Variants in FZD3 observed in about 807,000 individuals in gnomAD.
The protein encoded by FZD3 is frizzled-3.
FZD3 carries 30 observed loss-of-function variants against 60.7 expected under a neutral mutation model. That is an observed-to-expected ratio of 0.49 (90% CI 0.37 to 0.67). FZD3 has a LOEUF of 0.67. Among genes scored for constraint, FZD3 ranks in the 30% least tolerant of loss-of-function variants. The pLI is 0.00. For missense variants in FZD3, 605 were observed against 838.7 expected (o/e 0.72, Z 3.44); for synonymous variants, 246 against 275.2 (o/e 0.89, Z 1.05).
intron 7 of FZD3, among the ~76,000 whole-genome samples, chr8:28,557,460 C>T (rs1371610933): frequency 1.3e-5 from 2 of 151,966 alleles, no homozygotes; most frequent in Admixed American, 1.3e-4. Context: ...GTGTAGAATC[C>T]GATTCTCTGT....
chr8:28,545,826 A>T (rs547090253), intron 5 of FZD3, among the ~76,000 whole-genome samples: 2 of 152,374 alleles, frequency 1.3e-5, no homozygotes, highest in Admixed American at 1.3e-4. Flanking sequence ...TATTTAATAT[A>T]TGTATAAATA....
chr8:28,540,572 TAAAA>T (rs1309939591), intron 5 of FZD3, among the ~76,000 whole-genome samples: 1 of 152,222 alleles, frequency 6.6e-6, no homozygotes, highest in Non-Finnish European at 1.5e-5. Context: ...CAGGAACACT[TAAAA>T]AGAATACTTG....
intron 1 of FZD3, among the ~76,000 whole-genome samples, chr8:28,498,664 A>G (rs942779004): frequency 6.6e-6 from 1 of 152,100 alleles, no homozygotes; most frequent in African/African-American, 2.4e-5. Flanking sequence ...CGCAACCTCC[A>G]CCTCTCATGT....
At chr8:28,497,966 G>T (rs1803886434) in intron 1 of FZD3, among the ~76,000 whole-genome samples, 1 of 152,114 alleles carries the variant, frequency 6.6e-6, no homozygotes, top group African/African-American at 2.4e-5. Flanking sequence ...TTATTTTAAA[G>T]ACTTTTACTT....
chr8:28,522,997 T>G (rs1328263514), intron 4 of FZD3, among the ~76,000 whole-genome samples: 1 of 152,050 alleles, frequency 6.6e-6, no homozygotes, highest in Non-Finnish European at 1.5e-5. Flanking sequence ...CTCGAACTCC[T>G]GACTTTAAGT....
chr8:28,545,118 A>G (rs1273649397), intron 5 of FZD3, among the ~76,000 whole-genome samples: 1 of 152,152 alleles, frequency 6.6e-6, no homozygotes, highest in Non-Finnish European at 1.5e-5. Context: ...TTTAAGTTTC[A>G]TTGTGAGTTA....
In FZD3 at chr8:28,566,983, T is replaced by TA; in HGVS notation, c.*3979dup. The TA allele has an allele frequency of 6.6e-6, 1 of 152,134 alleles. No homozygotes were observed. Among genetic ancestry groups the TA allele is most frequent in the African/African-American group, 2.4e-5 (1 of 41,422 alleles). 9.4% of individuals were successfully genotyped at this position (152,134 alleles called of 1,614,324 possible). On this transcript the variant is annotated 3_prime_UTR_variant, in exon 8 of 8. Coordinates refer to ENST00000240093, the MANE Select transcript of FZD3 (RefSeq NM_017412.4). ...TCTGTAACCCATAAATTATTCTACT[T>TA]AAAAAAATTTTTTATAGAGACAGGG...
chr8:28,527,863 T>C lies in FZD3; in HGVS notation c.1103T>C (p.Val368Ala). The C allele has an allele frequency of 8.7e-6, 14 of 1,614,114 alleles. No homozygotes were observed. Among genetic ancestry groups the C allele is most frequent in the Non-Finnish European group, 1.2e-5 (14 of 1,179,994 alleles). Reference sequence around the variant, plus strand: ...GTGTGTTTTGTTGGCCTCTACGATGTTGATGCATTGAGATATTTTGTTCTT... The same window carrying C: ...GTGTGTTTTGTTGGCCTCTACGATGCTGATGCATTGAGATATTTTGTTCTT... ...SGVCFVGLYD[V>A]DALRYFVLAP... Residue 368 changes from valine (V) to alanine (A), a missense_variant, in exon 5 of 8, where the codon GTT becomes GCT. Physicochemically the swap from Val to Ala is moderately conservative, Grantham distance 64. Transcript: ENST00000240093. This position sits in a 1 kb window ranked among gnomAD's most constrained non-coding sequence, Gnocchi z 5.0.
At chr8:28,542,091 C>T (rs1359238492) in intron 5 of FZD3, among the ~76,000 whole-genome samples, 1 of 133,560 alleles carries the variant, frequency 7.5e-6, no homozygotes. Context: ...GAATGAAATC[C>T]TTTTTTTTTT....
chr8:28,507,208 A>G (rs1804164304), intron 3 of FZD3, among the ~76,000 whole-genome samples: 1 of 152,064 alleles, frequency 6.6e-6, no homozygotes, highest in East Asian at 1.9e-4. Flanking sequence ...TCCAATTGAT[A>G]TGTCTCTTAA....
intron 6 of FZD3, among the ~76,000 whole-genome samples, chr8:28,553,586 T>G (rs1805451116): frequency 6.6e-6 from 1 of 152,186 alleles, no homozygotes; most frequent in Admixed American, 6.5e-5. Flanking sequence ...CTAGTTAGTT[T>G]GCGGGGATAC....
chr8:28,520,533 C>A (rs1804549991), intron 3 of FZD3, 105 bp from the exon 4 acceptor site: 6 of 687,972 alleles, frequency 8.7e-6, no homozygotes, highest in Non-Finnish European at 1.4e-5. Context: ...TTTTAATAAC[C>A]CTCAGAATTT....
At chr8:28,518,299 C>T (rs1251662008) in intron 3 of FZD3, among the ~76,000 whole-genome samples, 1 of 151,534 alleles carries the variant, frequency 6.6e-6, no homozygotes, top group African/African-American at 2.4e-5. Flanking sequence ...CTCAGGTGAT[C>T]CTCCTGCCTC....
At chr8:28,518,582 A>G (rs1317965609) in intron 3 of FZD3, among the ~76,000 whole-genome samples, 1 of 152,210 alleles carries the variant, frequency 6.6e-6, no homozygotes, top group Admixed American at 6.5e-5. Context: ...CTTTCTGCTT[A>G]GCTTCTTAGC....
At chr8:28,520,124 T>C (rs1269318102) in intron 3 of FZD3, among the ~76,000 whole-genome samples, 1 of 151,022 alleles carries the variant, frequency 6.6e-6, no homozygotes, top group African/African-American at 2.4e-5. Flanking sequence ...GCAGGAGAAT[T>C]GCTTGAACTT....
At chr8:28,525,857 T>G (rs973912853) in intron 4 of FZD3, among the ~76,000 whole-genome samples, 1 of 151,922 alleles carries the variant, frequency 6.6e-6, no homozygotes, top group Admixed American at 6.6e-5. Flanking sequence ...ATGAGAAGAG[T>G]TCGGTTTCTT....
chr8:28,539,505 TAAC>T (rs1805106103), intron 5 of FZD3, among the ~76,000 whole-genome samples: 1 of 152,172 alleles, frequency 6.6e-6, no homozygotes, highest in Admixed American at 6.5e-5. Context: ...CAAAGCATAA[TAAC>T]AGTAAAGGTT....
At chr8:28,531,688 C>T (rs995056332) in intron 5 of FZD3, among the ~76,000 whole-genome samples, 4 of 152,042 alleles carry the variant, frequency 2.6e-5, no homozygotes, top group African/African-American at 7.2e-5. Flanking sequence ...CCTTATTATA[C>T]GTAAGGTTGA....
At chr8:28,550,496 T>C (rs1367956356) in intron 5 of FZD3, among the ~76,000 whole-genome samples, 2 of 138,342 alleles carry the variant, frequency 1.4e-5, no homozygotes, top group African/African-American at 5.4e-5. Flanking sequence ...TTTTTTTTTT[T>C]TTTTTTTTTT....
Sources: allele counts gnomAD v4.1 joint callset (sites outside exome capture counted in the v4.1 genomes callset), GRCh38; gene constraint gnomAD v4.1.1; non-coding constraint Gnocchi (gnomAD v3.1); transcripts MANE v1.5; gene names NCBI Gene and HGNC (gene_info 2026-07-23, HGNC 2026-07-21).